UGT1A9: variants seen among roughly 807,000 people sequenced by gnomAD.
The protein encoded by UGT1A9 is UDP-glucuronosyltransferase 1A9.
A neutral mutation model predicts 45.0 loss-of-function variants in UGT1A9; 35 were observed. The observed-to-expected ratio is 0.78, with a 90% CI of 0.59 to 1.03. The LOEUF is 1.03. Ranked by LOEUF, UGT1A9 falls within the 50% of genes least tolerant of loss-of-function variation. UGT1A9 has a pLI of 0.00. For synonymous variants in UGT1A9, 278 were observed against 250.6 expected, an observed-to-expected ratio of 1.11 and a Z score of -1.03; for missense variants, 687 against 666.6, an observed-to-expected ratio of 1.03 and a Z score of -0.34.
At chr2:233,727,355 C>A (rs1460228940) in intron 1 of UGT1A9, among the ~76,000 whole-genome samples, 2 of 152,284 alleles carry the variant, frequency 1.3e-5, no homozygotes, top group East Asian at 3.9e-4. Context: ...TTCTGCTATC[C>A]TTAGGGCCCC....
intron 1 of UGT1A9, among the ~76,000 whole-genome samples, chr2:233,748,713 G>T: frequency 6.6e-6 from 1 of 151,600 alleles, no homozygotes; most frequent in East Asian, 1.9e-4. Flanking sequence ...TTTGGGGTCT[G>T]GTGCATGATG....
At chr2:233,681,858 G>A (rs1217681424) in intron 1 of UGT1A9, 1 of 1,526,910 alleles carries the variant, frequency 6.5e-7, no homozygotes, top group Non-Finnish European at 8.8e-7. Flanking sequence ...TTTGAGGGCA[G>A]GTTCTATCTG....
Position 233,768,243 on chromosome 2 carries a change from A to T in UGT1A9, c.1099A>T (p.Ile367Phe). The T allele has an allele frequency of 6.2e-7, 1 of 1,614,146 alleles. No individual in the cohort carries two copies. The highest frequency in any genetic ancestry group is 8.5e-7 in the Non-Finnish European group (1 of 1,180,022). Residue 367 changes from isoleucine to phenylalanine, a missense_variant, in exon 4 of 5, where the codon ATC (isoleucine) becomes TTC (phenylalanine). Ile to Phe is a conservative substitution (Grantham distance 21). Transcript: ENST00000354728. The part of the protein sequence containing the change: ...LLGHPMTRAF[I>F]THAGSHGVYE... Reference sequence around the variant, plus strand: ...AGGTCACCCGATGACCCGTGCCTTTATCACCCATGCTGGTTCCCATGGTGT... The same window carrying T: ...AGGTCACCCGATGACCCGTGCCTTTTTCACCCATGCTGGTTCCCATGGTGT...
chr2:233,771,027 G>T (rs186703216), intron 4 of UGT1A9: 5 of 152,078 alleles, frequency 3.3e-5, no homozygotes, highest in Admixed American at 1.3e-4. Flanking sequence ...GAGAGAGTTG[G>T]GGGGGAAGGT....
At chr2:233,699,087 C>G (rs908686426) in intron 1 of UGT1A9, among the ~76,000 whole-genome samples, 1 of 152,218 alleles carries the variant, frequency 6.6e-6, no homozygotes, top group Admixed American at 6.5e-5. Flanking sequence ...CTCTCTAGCC[C>G]TGTGCACCTC....
intron 1 of UGT1A9, chr2:233,729,861 G>A (rs760591415): frequency 6.8e-6 from 11 of 1,613,756 alleles, no homozygotes; most frequent in Non-Finnish European, 8.5e-7. Flanking sequence ...AGGTGTCAGT[G>A]GTGGATATTC....
At chr2:233,763,966 T>C (rs189385598) in intron 1 of UGT1A9, among the ~76,000 whole-genome samples, 68 of 152,296 alleles carry the variant, frequency 4.5e-4, no homozygotes, top group Admixed American at 7.2e-4. Flanking sequence ...GGTTGAGATA[T>C]ATGTGGGTTA....
intron 1 of UGT1A9, among the ~76,000 whole-genome samples, chr2:233,737,610 G>A (rs2078901280): frequency 6.6e-6 from 1 of 152,172 alleles, no homozygotes; most frequent in South Asian, 2.1e-4. Context: ...ACCTCAGTTG[G>A]AAATGCAGAA....
intron 1 of UGT1A9, chr2:233,754,418 A>T: frequency 2.9e-6 from 1 of 342,598 alleles, no homozygotes; most frequent in Non-Finnish European, 5.7e-6. Context: ...CAATAAAGAC[A>T]GGCATTGGCA....
Position 233,773,101 on chromosome 2 carries a change from T to A in UGT1A9, c.*542T>A, listed in dbSNP as rs1321886255. On this transcript the variant is annotated 3_prime_UTR_variant, in exon 5 of 5. Coordinates refer to ENST00000354728, the MANE Select transcript of UGT1A9 (RefSeq NM_021027.3). ...GGCTTGGAGTGCACTGAGAACAGCA[T>A]ATGATTTCTTGCTTTGGGGAAAAAG... is the stretch of plus-strand genomic sequence containing the variant. The A allele has an allele frequency of 6.4e-6, 1 of 156,412 alleles. No homozygotes were observed. The highest frequency in any genetic ancestry group is 2.4e-5 in the African/African-American group (1 of 41,460). The allele number at this position is 156,412 out of a possible 1,614,324, so 9.7% of individuals were successfully genotyped here.
intron 1 of UGT1A9, among the ~76,000 whole-genome samples, chr2:233,757,238 GT>G (rs1696448316): frequency 6.7e-6 from 1 of 149,106 alleles, no homozygotes; most frequent in Admixed American, 6.7e-5. Context: ...AGAAGTGGTG[GT>G]GAGGTGGGGT....
chr2:233,695,124 T>C (rs897495873), intron 1 of UGT1A9, among the ~76,000 whole-genome samples: 33 of 116,872 alleles, frequency 2.8e-4, no homozygotes, highest in African/African-American at 1.1e-3. Context: ...CCAACCCTTT[T>C]CTTTTCTTTT....
intron 1 of UGT1A9, among the ~76,000 whole-genome samples, chr2:233,704,362 C>T (rs2075783808): frequency 7.0e-6 from 1 of 143,344 alleles, no homozygotes; most frequent in African/African-American, 2.6e-5. Flanking sequence ...AGCGGTTGTT[C>T]TAGGGCTTAG....
intron 1 of UGT1A9, among the ~76,000 whole-genome samples, chr2:233,688,913 C>T (rs1258739831): frequency 6.6e-6 from 1 of 152,062 alleles, no homozygotes; most frequent in Admixed American, 6.5e-5. Context: ...GGATGGTGTG[C>T]CAAGCAGGGA....
In UGT1A9 at chr2:233,768,530, C is replaced by T. The variant is rs181512709; in HGVS notation, c.1295+91C>T. On this transcript the variant is annotated intron_variant, in intron 4 of 4. Transcript: ENST00000354728. ...AAAACATTTACGTAGCATTTAATAG[C>T]GTTGTTTCAAATATAAAAACAAATA... 249 of 1,496,408 alleles carry T rather than the reference C, an allele frequency of 1.7e-4. No homozygotes were observed. In the African/African-American group the frequency reaches 3.2e-3, roughly 19 times the overall value. The allele number at this position is 1,496,408 out of a possible 1,614,324, so 92.7% of individuals were successfully genotyped here. A position where few individuals can be genotyped will look rare whatever the true frequency, so the allele number is the denominator to read the frequency against.
intron 1 of UGT1A9, chr2:233,747,494 G>A (rs1693698047): frequency 1.2e-6 from 2 of 1,608,660 alleles, no homozygotes; most frequent in Non-Finnish European, 1.7e-6. Flanking sequence ...GCCTTGTGCT[G>A]GGCCACACTC....
rs760289864 is a variant in UGT1A9 at position 233,772,449 on chromosome 2, G to A, written c.1483G>A (p.Val495Ile). 8 of 1,614,068 alleles carry A rather than the reference G, an allele frequency of 5.0e-6. No homozygotes were observed. Among genetic ancestry groups the A allele is most frequent in the Middle Eastern group, 1.6e-4 (1 of 6,084 alleles). Residue 495 changes from valine (V) to isoleucine (I), a missense_variant, in exon 5 of 5, where the codon GTC becomes ATC. Physicochemically the swap from Val to Ile is conservative, Grantham distance 29 (BLOSUM62 3). Transcript: ENST00000354728. ...GGACGTGATTGGTTTCCTCTTGGCCGTCGTGCTGACAGTGGCCTTCATCAC... is the reference window on the plus strand; with the variant it reads ...GGACGTGATTGGTTTCCTCTTGGCCATCGTGCTGACAGTGGCCTTCATCAC... ...SLDVIGFLLA[V>I]VLTVAFITFK...
intron 1 of UGT1A9, chr2:233,754,913 C>T (rs778952229): frequency 7.4e-7 from 1 of 1,353,756 alleles, no homozygotes; most frequent in African/African-American, 1.5e-5. Context: ...AAATATTCTC[C>T]AGCGGGTTTC....
intron 1 of UGT1A9, chr2:233,713,360 C>G: frequency 6.2e-7 from 1 of 1,614,162 alleles, no homozygotes; most frequent in Non-Finnish European, 8.5e-7. Flanking sequence ...TGTCTTTGAT[C>G]ATACATAGGT....
Sources: gnomAD v4.1 joint callset for allele counts (sites outside exome capture counted in the v4.1 genomes callset) on GRCh38, gnomAD v4.1.1 for gene constraint, MANE v1.5 for transcripts, NCBI Gene and HGNC (gene_info 2026-07-23, HGNC 2026-07-21) for gene names.